PPP3CC: variants seen among roughly 807,000 people sequenced by gnomAD.
PPP3CC encodes the protein protein phosphatase 3 catalytic subunit gamma, also known as serine/threonine-protein phosphatase 2B catalytic subunit gamma isoform.
In PPP3CC, 35 loss-of-function variants were observed where a neutral mutation model predicts 60.3. That is an observed-to-expected ratio of 0.58 (90% CI 0.44 to 0.77). The LOEUF (loss-of-function observed/expected upper bound fraction) is 0.77. Among genes scored for constraint, PPP3CC ranks in the 30% least tolerant of loss-of-function variants. PPP3CC has a pLI of 0.00. For synonymous variants in PPP3CC, 206 were observed against 224.3 expected (o/e 0.92, Z 0.73); for missense variants, 570 against 628.9 (o/e 0.91, Z 1.00).
chr8:22,468,691 T>C (rs1210451120), intron 1 of PPP3CC, among the ~76,000 whole-genome samples: 1 of 152,210 alleles, frequency 6.6e-6, no homozygotes, highest in African/African-American at 2.4e-5. Flanking sequence ...ACTTGGAAAA[T>C]ACAAAGTGGC....
At chr8:22,481,334 T>G (rs1363126026) in intron 3 of PPP3CC, among the ~76,000 whole-genome samples, 1 of 129,472 alleles carries the variant, frequency 7.7e-6, no homozygotes, top group East Asian at 2.1e-4. Flanking sequence ...AAACTCTGTC[T>G]CAAGAAAAAT....
At chr8:22,487,274 T>C (rs540143761) in intron 3 of PPP3CC, among the ~76,000 whole-genome samples, 23 of 152,294 alleles carry the variant, frequency 1.5e-4, no homozygotes, top group Middle Eastern at 3.4e-3. Context: ...TAAAACAAAA[T>C]AGTAAAGTTT....
At chr8:22,452,586 C>G (rs1193264447) in intron 1 of PPP3CC, among the ~76,000 whole-genome samples, 1 of 152,088 alleles carries the variant, frequency 6.6e-6, no homozygotes, top group African/African-American at 2.4e-5. Flanking sequence ...CAGCCTCAAA[C>G]TCCTGGGCTC....
chr8:22,486,837 C>T (rs1277377390), intron 3 of PPP3CC, among the ~76,000 whole-genome samples: 1 of 151,680 alleles, frequency 6.6e-6, no homozygotes, highest in Non-Finnish European at 1.5e-5. Flanking sequence ...TTAAGTGATC[C>T]TCCTGCCTCA....
At chr8:22,517,776 A>T in intron 6 of PPP3CC, among the ~76,000 whole-genome samples, 1 of 150,234 alleles carries the variant, frequency 6.7e-6, no homozygotes, top group East Asian at 1.9e-4. Flanking sequence ...AGGGTTTGTC[A>T]ATTTTGTTTA....
chr8:22,450,797 A>G (rs911974590), intron 1 of PPP3CC, among the ~76,000 whole-genome samples: 3 of 142,302 alleles, frequency 2.1e-5, no homozygotes, highest in Non-Finnish European at 4.6e-5. Flanking sequence ...AACCTACTTT[A>G]TTTTTATTTA....
intron 1 of PPP3CC, among the ~76,000 whole-genome samples, chr8:22,454,638 T>C (rs529720748): frequency 6.6e-6 from 1 of 152,320 alleles, no homozygotes; most frequent in South Asian, 2.1e-4. Flanking sequence ...TTAAGACAGG[T>C]GAAAACATCA....
Position 22,540,195 on chromosome 8 carries a change from T to C in PPP3CC, c.1352-420T>C, listed in dbSNP as rs376863848. 3.3e-5 allele frequency among the ~76,000 whole-genome samples: 5 copies of C among 152,194 alleles called. No individual in the cohort carries two copies. The East Asian group carries it at 7.7e-4, about 23-fold the overall frequency. On this transcript the variant is annotated intron_variant, in intron 13 of 13. Coordinates refer to ENST00000240139, the MANE Select transcript of PPP3CC (RefSeq NM_005605.5). ...TTTTGTTACTTTTTTTTGTGGTCTATGTGGCCTTTGTGCGAAAAGCAACTA... is the reference window on the plus strand; with the variant it reads ...TTTTGTTACTTTTTTTTGTGGTCTACGTGGCCTTTGTGCGAAAAGCAACTA...
intron 1 of PPP3CC, among the ~76,000 whole-genome samples, chr8:22,451,028 A>G (rs1837005652): frequency 7.1e-6 from 1 of 140,304 alleles, no homozygotes; most frequent in East Asian, 2.1e-4. Flanking sequence ...TTTAATAGAG[A>G]TGGGGTTTCA....
At chr8:22,497,800 G>A (rs2469747) in intron 3 of PPP3CC, among the ~76,000 whole-genome samples, 76,526 of 151,972 alleles carry the variant, frequency 0.5, 19,415 homozygotes, top group East Asian at 0.6. Context: ...ATAGAACATG[G>A]GAACAGAGAT....
intron 1 of PPP3CC, among the ~76,000 whole-genome samples, chr8:22,442,200 A>G (rs1049891245): frequency 3.3e-5 from 5 of 152,262 alleles, no homozygotes; most frequent in Non-Finnish European, 7.3e-5. Context: ...TGGATTACAC[A>G]TAACCACTAA....
intron 1 of PPP3CC, among the ~76,000 whole-genome samples, chr8:22,447,298 G>C (rs1403706171): frequency 6.7e-6 from 1 of 149,532 alleles, no homozygotes; most frequent in East Asian, 2.0e-4. Flanking sequence ...TCCTGCCTCA[G>C]CCTCCTGAGT....
intron 2 of PPP3CC, among the ~76,000 whole-genome samples, 169 bp from the exon 3 acceptor site, chr8:22,475,331 T>C (rs538908474): frequency 6.6e-6 from 1 of 152,378 alleles, no homozygotes; most frequent in East Asian, 1.9e-4. Flanking sequence ...AAGTGTCTCA[T>C]ATTTCCAGTA....
In PPP3CC at chr8:22,441,098, C is replaced by T. The variant is rs182378967; in HGVS notation, c.-312C>T. The T allele has an allele frequency of 9.4e-3, 2,468 of 263,068 alleles. 54 individuals carry two copies. Among genetic ancestry groups the T allele is most frequent in the African/African-American group, 0.051 (2,286 of 45,110 alleles). The allele number at this position is 263,068 out of a possible 1,614,324, so 16.3% of individuals were successfully genotyped here. On this transcript the variant is annotated 5_prime_UTR_variant, in exon 1 of 14. Coordinates refer to ENST00000240139, the MANE Select transcript of PPP3CC (RefSeq NM_005605.5). ...CGCTTGCGTGCACGAGGGCCCGGGC[C>T]GCGAGCAGCCGCGGCCGTCCCGGTC... is the stretch of plus-strand genomic sequence containing the variant.
intron 3 of PPP3CC, among the ~76,000 whole-genome samples, chr8:22,487,111 A>G (rs1216797394): frequency 6.6e-6 from 1 of 152,218 alleles, no homozygotes; most frequent in African/African-American, 2.4e-5. Context: ...TAAATGGTAC[A>G]AAGTTGTCTT....
chr8:22,465,439 A>G (rs1439455013), intron 1 of PPP3CC, among the ~76,000 whole-genome samples: 1 of 151,880 alleles, frequency 6.6e-6, no homozygotes, highest in African/African-American at 2.4e-5. Context: ...AAATTTAAAA[A>G]TAAAATAAGT....
intron 3 of PPP3CC, among the ~76,000 whole-genome samples, chr8:22,494,739 C>G (rs1838513124): frequency 1.3e-5 from 2 of 152,150 alleles, no homozygotes; most frequent in African/African-American, 4.8e-5. Flanking sequence ...CCACACTCTC[C>G]CTTCTTGTTT....
chr8:22,492,016 G>A (rs367930290), intron 3 of PPP3CC, among the ~76,000 whole-genome samples: 4 of 152,018 alleles, frequency 2.6e-5, no homozygotes, highest in Admixed American at 6.6e-5. Flanking sequence ...AGGAGGGTAC[G>A]TTCTGAGAAA....
chr8:22,445,041 G>C (rs943117567), intron 1 of PPP3CC, among the ~76,000 whole-genome samples: 4 of 152,240 alleles, frequency 2.6e-5, no homozygotes, highest in South Asian at 2.1e-4. Flanking sequence ...ATGGCCAGAT[G>C]GGGTTTAACA....
Sources: gnomAD v4.1 joint callset for allele counts (sites outside exome capture counted in the v4.1 genomes callset) on GRCh38, gnomAD v4.1.1 for gene constraint, MANE v1.5 for transcripts, NCBI Gene and HGNC (gene_info 2026-07-23, HGNC 2026-07-21) for gene names.